The following SETX variants were observed in gnomAD, a reference collection of about 807,000 sequenced individuals.
SETX encodes the protein helicase senataxin.
In SETX, 90 loss-of-function variants were observed where a neutral mutation model predicts 227.2. That is an observed-to-expected ratio of 0.40 (90% CI 0.33 to 0.47). The LOEUF (loss-of-function observed/expected upper bound fraction) is 0.47, where lower values mean the gene tolerates loss of function less well. Among genes scored for constraint, SETX ranks in the 20% least tolerant of loss-of-function variants. The pLI is 0.91. For synonymous variants in SETX, 1,210 were observed against 1,113.2 expected (o/e 1.09, Z -1.73); for missense variants, 3,052 against 3,181.5 (o/e 0.96, Z 0.98).
intron 21 of SETX, 95 bp from the exon 22 acceptor site, chr9:132,277,247 G>C (rs1056108153): frequency 8.4e-6 from 9 of 1,065,272 alleles, no homozygotes; most frequent in Admixed American, 1.9e-5. Context: ...TGGTGATGTG[G>C]GCTGGGGCAA....
chr9:132,345,768 G>A (rs1366792612), intron 4 of SETX, among the ~76,000 whole-genome samples: 1 of 152,142 alleles, frequency 6.6e-6, no homozygotes, highest in African/African-American at 2.4e-5. Context: ...TATAATCCCA[G>A]CAATTTGGGA....
intron 25 of SETX, among the ~76,000 whole-genome samples, chr9:132,265,371 A>G (rs1307844453): frequency 2.0e-5 from 3 of 151,382 alleles, no homozygotes; most frequent in Admixed American, 6.6e-5. Context: ...GACTACAGGC[A>G]CCCGCCACCA....
chr9:132,324,254 T>C (rs1846563928), intron 10 of SETX, among the ~76,000 whole-genome samples: 1 of 151,622 alleles, frequency 6.6e-6, no homozygotes, highest in African/African-American at 2.4e-5. Flanking sequence ...AAAAGTACCT[T>C]AGGAAAAAAA....
chr9:132,318,417 A>C (rs925118343), intron 10 of SETX, among the ~76,000 whole-genome samples: 1 of 152,022 alleles, frequency 6.6e-6, no homozygotes, highest in Non-Finnish European at 1.5e-5. Context: ...CTGAATTCAT[A>C]CTCCCCAGGG....
chr9:132,345,671 T>C (rs1848246448), intron 4 of SETX, among the ~76,000 whole-genome samples: 2 of 152,204 alleles, frequency 1.3e-5, no homozygotes, highest in Admixed American at 1.3e-4. Flanking sequence ...ATGTGATGGG[T>C]ATATCATGTT....
chr9:132,264,653 T>C lies in SETX; in HGVS notation c.7620A>G (p.Arg2540=). ...CCTCAATGCCCATCCTCTTCAGCAG[T>C]CGTGGGTCCTGAAGTTGGTCATGAA... ...PPVHDQLQDP[R]LLKRMGIEVK... is the part of the protein sequence containing the mutation. The change falls in exon 26 of 26, where the codon CGA becomes CGG. Residue 2540 remains arginine (R), a synonymous_variant. Transcript: ENST00000224140. 1 of 1,614,210 alleles carries C rather than the reference T, an allele frequency of 6.2e-7. No individual in the cohort carries two copies. The highest frequency in any genetic ancestry group is 8.5e-7 in the Non-Finnish European group (1 of 1,180,036).
chr9:132,281,568 G>A lies in SETX; in HGVS notation c.6553C>T (p.Gln2185Ter), dbSNP rs985114163. The change falls in exon 20 of 26, where the codon CAG (glutamine) becomes TAG (stop). Residue 2185 changes from glutamine (Q) to a stop codon, truncating the protein, a stop_gained. Coordinates refer to ENST00000224140, the MANE Select transcript of SETX (RefSeq NM_015046.7). LOFTEE classifies it high-confidence loss of function. ...GTAAGAGTCTCAATTTCACAAGACT[G>A]TCCAGCCTTGGTAAGATACAGAAGA... is the stretch of plus-strand genomic sequence containing the variant. ...FSCVIVDEAG[Q>*]SCEIETLTPL... The A allele has an allele frequency of 6.2e-7, 1 of 1,610,346 alleles. No homozygotes were observed. Among genetic ancestry groups the A allele is most frequent in the Non-Finnish European group, 8.5e-7 (1 of 1,176,592 alleles).
rs60549458 is a variant in SETX, at chr9:132,345,902, C to T, written c.388+359G>A. ...GACGCAATGGCACACGCCTGTACTC[C>T]CAGCTACCCACAAGGCTCAGGCAGG... On this transcript the variant is annotated intron_variant, in intron 4 of 25. Transcript: ENST00000224140. Among the ~76,000 whole-genome samples, 764 of 152,226 alleles carry T rather than the reference C, an allele frequency of 5.0e-3. 9 individuals carry two copies. Among genetic ancestry groups the T allele is most frequent in the African/African-American group, 0.017 (708 of 41,530 alleles).
At chr9:132,287,873 A>G (rs911076770) in intron 17 of SETX, among the ~76,000 whole-genome samples, 2 of 152,086 alleles carry the variant, frequency 1.3e-5, no homozygotes, top group Non-Finnish European at 2.9e-5. Context: ...AATAAAGGGC[A>G]TTAAATACTC....
chr9:132,321,248 G>A (rs769410761), intron 10 of SETX, among the ~76,000 whole-genome samples: 11 of 152,164 alleles, frequency 7.2e-5, no homozygotes, highest in Non-Finnish European at 1.6e-4. Context: ...GGCCGGGCGC[G>A]GTGGCTCACG....
intron 11 of SETX, among the ~76,000 whole-genome samples, chr9:132,301,248 G>A (rs7029355): frequency 0.078 from 11,795 of 151,558 alleles, 653 homozygotes; most frequent in East Asian, 0.17. Context: ...CACCACGCCC[G>A]GCTAATTTTT....
chr9:132,319,289 C>T (rs750689770), intron 10 of SETX, among the ~76,000 whole-genome samples: 1 of 152,170 alleles, frequency 6.6e-6, no homozygotes, highest in Non-Finnish European at 1.5e-5. Flanking sequence ...TGGTCAACTG[C>T]ATTTATGCTT....
rs755902876 is a variant in SETX at position 132,329,703 on chromosome 9, C to A, written c.1895G>T (p.Arg632Ile). 2 of 1,614,100 alleles carry A rather than the reference C, an allele frequency of 1.2e-6. No homozygotes were observed. The highest frequency in any genetic ancestry group is 3.3e-5 in the Admixed American group (2 of 60,018). ...AGCTTCCAAACAATGCATATCTTTT[C>A]TAGACGTCTTCCCCATTTGTTCACT... The part of the protein sequence containing the change: ...EESEQMGKTS[R>I]KDMHCLEASS... Residue 632 changes from arginine to isoleucine, a missense_variant, in exon 10 of 26, where the codon AGA (arginine) becomes ATA (isoleucine). Arg to Ile is a moderately conservative substitution (Grantham distance 97). Coordinates refer to ENST00000224140, the MANE Select transcript of SETX (RefSeq NM_015046.7).
At chr9:132,321,059 T>A (rs7028521) in intron 10 of SETX, among the ~76,000 whole-genome samples, 45,262 of 152,082 alleles carry the variant, frequency 0.3, 9,374 homozygotes, top group East Asian at 0.67. Context: ...GAGGATGAGA[T>A]AGTAGTAAAT....
chr9:132,331,115 A>G lies in SETX; in HGVS notation c.1035T>C (p.Tyr345=). The stretch of plus-strand genomic sequence containing the variant: ...GGCTGCAAGTCACCATATCATCCAA[A>G]TAGGACTCCGGTTCTAACTTGGTCC... ...SVRTKLEPES[Y]LDDMVTCSQI... Residue 345 remains tyrosine, a synonymous_variant, in exon 9 of 26, where the codon TAT becomes TAC. Coordinates refer to ENST00000224140, the MANE Select transcript of SETX (RefSeq NM_015046.7). The G allele has an allele frequency of 6.2e-7, 1 of 1,613,672 alleles. No homozygotes were observed. The highest frequency in any genetic ancestry group is 8.5e-7 in the Non-Finnish European group (1 of 1,179,586).
rs769625869 is a variant in SETX at position 132,277,068 on chromosome 9, C to G, written c.6927G>C (p.Arg2309=). 1 of 1,613,548 alleles carries G rather than the reference C, an allele frequency of 6.2e-7. No individual in the cohort carries two copies. The highest frequency in any genetic ancestry group is 1.1e-5 in the South Asian group (1 of 91,064). The stretch of plus-strand genomic sequence containing the variant: ...GCAAGAGGAAAACATACTCATTATC[C>G]CGTCTTTCTGAACCATCTCCAACAT... ...VFDVGDGSER[R]DNDSYINVQE... The change falls in exon 22 of 26, where the codon CGG becomes CGC. Residue 2309 remains arginine (R), a synonymous_variant. Transcript: ENST00000224140.
intron 3 of SETX, among the ~76,000 whole-genome samples, chr9:132,346,865 G>A (rs1400281470): frequency 1.3e-5 from 2 of 151,934 alleles, no homozygotes; most frequent in East Asian, 1.9e-4. Flanking sequence ...TGAAGCAAAA[G>A]GATCACTTGA....
At chr9:132,283,163 A>G in intron 19 of SETX, 101 bp downstream of exon 19, 1 of 1,492,432 alleles carries the variant, frequency 6.7e-7, no homozygotes, top group East Asian at 2.3e-5. Context: ...TCAGATGCAA[A>G]AAAAAAAAAC....
At chr9:132,352,526 A>C (rs565119) in intron 2 of SETX, among the ~76,000 whole-genome samples, 151,646 of 152,246 alleles carry the variant, frequency 1, 75,528 homozygotes, top group East Asian at 1. Context: ...CCGAGGCGTG[A>C]GGGATCACGA....
Sources: gnomAD v4.1 joint callset for allele counts (sites outside exome capture counted in the v4.1 genomes callset) on GRCh38, gnomAD v4.1.1 for gene constraint, MANE v1.5 for transcripts, NCBI Gene and HGNC (gene_info 2026-07-23, HGNC 2026-07-21) for gene names.